The following TM9SF4 variants were observed in gnomAD, a reference collection of about 807,000 sequenced individuals.
TM9SF4 encodes the protein transmembrane 9 superfamily member 4, also known as dinucleotide oxidase disulfide thiol exchanger 3 superfamily member 4.
Under a neutral mutation model 90.4 loss-of-function variants are expected in TM9SF4, and 26 were observed. The ratio of observed to expected loss-of-function variants is 0.29; its 90% CI spans 0.21 to 0.40. The LOEUF (loss-of-function observed/expected upper bound fraction) is 0.40, where lower values mean the gene tolerates loss of function less well. TM9SF4 is among the 10% of genes least tolerant of loss of function. TM9SF4 has a pLI of 1.00. For synonymous variants in TM9SF4, 293 were observed against 315.4 expected (o/e 0.93, Z 0.75); for missense variants, 549 against 834.8 (o/e 0.66, Z 4.22).
In TM9SF4 at chr20:32,165,476, C is replaced by G. The variant is rs1184290510; in HGVS notation, c.*32C>G. The G allele has an allele frequency of 2.5e-6, 4 of 1,608,822 alleles. No individual in the cohort carries two copies. In the East Asian group the frequency reaches 6.7e-5, roughly 27 times the overall value. On this transcript the variant is annotated 3_prime_UTR_variant, in exon 18 of 18. Transcript: ENST00000398022. ...TGGACCACGGCCAAGCTTGCTCCGT[C>G]CTCGGACAGGAAGCCACCCTGCGTG...
intron 17 of TM9SF4, among the ~76,000 whole-genome samples, chr20:32,163,276 T>A (rs1244576420): frequency 3.1e-4 from 13 of 42,054 alleles, no homozygotes; most frequent in African/African-American, 1.1e-3. Flanking sequence ...AAAATATATA[T>A]ATATATATAT....
At chr20:32,153,628 C>G (rs1411049775) in intron 12 of TM9SF4, among the ~76,000 whole-genome samples, 1 of 152,156 alleles carries the variant, frequency 6.6e-6, no homozygotes, top group Non-Finnish European at 1.5e-5. Context: ...GCCTGTAGTC[C>G]TCCTAATCAG....
chr20:32,141,729 C>T (rs750176601), intron 4 of TM9SF4, 37 bp from the exon 5 acceptor site: 70 of 1,612,792 alleles, frequency 4.3e-5, no homozygotes, highest in African/African-American at 1.1e-4. Flanking sequence ...ACGGGAGAGG[C>T]GGTCGAGAGG....
chr20:32,142,589 G>A (rs928005521), intron 5 of TM9SF4, among the ~76,000 whole-genome samples: 1 of 152,120 alleles, frequency 6.6e-6, no homozygotes, highest in African/African-American at 2.4e-5. Context: ...TTACACTCAG[G>A]TTGTCACAGA....
In TM9SF4 at chr20:32,149,733, A is replaced by T; in HGVS notation, c.1054A>T (p.Ile352Phe). The T allele has an allele frequency of 6.2e-7, 1 of 1,614,146 alleles. No homozygotes were observed. The highest frequency in any genetic ancestry group is 8.5e-7 in the Non-Finnish European group (1 of 1,180,004). ...MILSSLLGSG[I>F]QLFCMILIVI... ...CCTCAGCTCCCTGCTGGGCTCAGGC[A>T]TTCAGCTGTTCTGTATGATCCTCAT... Residue 352 changes from isoleucine to phenylalanine, a missense_variant, in exon 10 of 18, where the codon ATT becomes TTT. By Grantham distance (21) the Ile-to-Phe change is conservative. This residue lies in a region of TM9SF4 where 495 missense variants were observed against 711.7 expected (regional missense o/e 0.70). Coordinates refer to ENST00000398022, the MANE Select transcript of TM9SF4 (RefSeq NM_014742.4).
chr20:32,162,186 G>T (rs2047027717), intron 17 of TM9SF4, among the ~76,000 whole-genome samples: 1 of 152,218 alleles, frequency 6.6e-6, no homozygotes, highest in Non-Finnish European at 1.5e-5. Context: ...GCTGTACTTT[G>T]GGTCTCCAGA....
chr20:32,148,100 G>C (rs1223866773), intron 9 of TM9SF4, among the ~76,000 whole-genome samples: 1 of 152,140 alleles, frequency 6.6e-6, no homozygotes, highest in Non-Finnish European at 1.5e-5. Flanking sequence ...AACAGAGCAA[G>C]ACTCCGTCTC....
chr20:32,162,086 C>T (rs2047026631), intron 17 of TM9SF4, among the ~76,000 whole-genome samples: 1 of 152,188 alleles, frequency 6.6e-6, no homozygotes, highest in African/African-American at 2.4e-5. Flanking sequence ...ATTCATGATA[C>T]ACAAACCAGA....
intron 6 of TM9SF4, among the ~76,000 whole-genome samples, chr20:32,144,016 G>A (rs751126155): frequency 7.9e-5 from 12 of 151,878 alleles, no homozygotes; most frequent in Non-Finnish European, 1.2e-4. Context: ...CGCGATCTCC[G>A]CTCACTGCAA....
Position 32,163,245 on chromosome 20 carries a change from CAAAA to C in TM9SF4, c.1779+1901_1779+1904del, listed in dbSNP as rs67827616. Among the ~76,000 whole-genome samples the C allele has an allele frequency of 8.1e-3, 329 of 40,730 alleles. 1 individual carries two copies. The highest frequency in any genetic ancestry group is 0.011 in the Admixed American group (31 of 2,752). The allele number at this position is 40,730 out of a possible 152,430, so 26.7% of individuals were successfully genotyped here. A position where few individuals can be genotyped will look rare whatever the true frequency, so the allele number is the denominator to read the frequency against. ...TGGGTGACAGAGCAAGACTCCATCT[CAAAA>C]AAAAAAAAAAAAAAAAAAAATATAT... On this transcript the variant is annotated intron_variant, in intron 17 of 17. Transcript: ENST00000398022.
rs527724717 is a variant in TM9SF4, at chr20:32,148,077, C to CT, written c.954+1223dup. ...AGTGAGCCGAGATCACACCACTGTA[C>CT]TACAGCCTGGGCAACAGAGCAAGAC... On this transcript the variant is annotated intron_variant, in intron 9 of 17. Transcript: ENST00000398022. 1.4e-3 allele frequency among the ~76,000 whole-genome samples: 218 copies of CT among 152,266 alleles called. 1 individual carries two copies. Among genetic ancestry groups the CT allele is most frequent in the Middle Eastern group, 0.014 (4 of 294 alleles).
chr20:32,110,212 A>G (rs1158521676), intron 1 of TM9SF4, among the ~76,000 whole-genome samples: 1 of 151,852 alleles, frequency 6.6e-6, no homozygotes, highest in African/African-American at 2.4e-5. Flanking sequence ...TCCCAGCCCA[A>G]GCGCTGCCTC....
intron 2 of TM9SF4, among the ~76,000 whole-genome samples, chr20:32,135,797 T>C (rs1361570186): frequency 6.6e-6 from 1 of 152,200 alleles, no homozygotes; most frequent in Admixed American, 6.5e-5. Context: ...TTAGGAAAGA[T>C]GCCCAAAAGT....
rs1205846955 is a variant in TM9SF4 at position 32,166,494 on chromosome 20, T to C, written c.*1050T>C. ...CATTCTCTCCCTGCCCTCTCTGGCCTCTGGGGTCATACTCACTTCTTTAGC... is the reference window on the plus strand; with the variant it reads ...CATTCTCTCCCTGCCCTCTCTGGCCCCTGGGGTCATACTCACTTCTTTAGC... On this transcript the variant is annotated 3_prime_UTR_variant, in exon 18 of 18. Coordinates refer to ENST00000398022, the MANE Select transcript of TM9SF4 (RefSeq NM_014742.4). 6.6e-6 allele frequency: 1 copy of C among 152,336 alleles called. No individual in the cohort carries two copies. The highest frequency in any genetic ancestry group is 1.5e-5 in the Non-Finnish European group (1 of 68,126). 9.4% of individuals were successfully genotyped at this position (152,336 alleles called of 1,614,324 possible).
intron 1 of TM9SF4, among the ~76,000 whole-genome samples, chr20:32,126,757 C>T (rs1367776922): frequency 3.4e-5 from 5 of 148,940 alleles, no homozygotes; most frequent in African/African-American, 7.4e-5. Flanking sequence ...TTTCCTGAGA[C>T]GAAGTCTCGC....
Position 32,141,823 on chromosome 20 carries a change from C to A in TM9SF4, c.456C>A (p.Ser152Arg). Residue 152 changes from serine (S) to arginine (R), a missense_variant, in exon 5 of 18, where the codon AGC (serine) becomes AGA (arginine). Coordinates refer to ENST00000398022, the MANE Select transcript of TM9SF4 (RefSeq NM_014742.4). ...TGGAGCTCTACTCCAACCGAGACAG[C>A]GATGACAAGAAGAAGGAAAAAGATG... The part of the protein sequence containing the change: ...TRLELYSNRD[S>R]DDKKKEKDVQ... 6.2e-7 allele frequency: 1 copy of A among 1,614,054 alleles called. No homozygotes were observed. Among genetic ancestry groups the A allele is most frequent in the South Asian group, 1.1e-5 (1 of 91,064 alleles).
At chr20:32,121,711 T>C (rs2046310905) in intron 1 of TM9SF4, among the ~76,000 whole-genome samples, 1 of 152,134 alleles carries the variant, frequency 6.6e-6, no homozygotes, top group Admixed American at 6.5e-5. Flanking sequence ...CTCAATGAGC[T>C]GTTGGGCACA....
chr20:32,114,277 C>T (rs987798896), intron 1 of TM9SF4, among the ~76,000 whole-genome samples: 8 of 152,250 alleles, frequency 5.3e-5, no homozygotes, highest in South Asian at 2.1e-4. Flanking sequence ...GCTAATGGAG[C>T]CAATGCCAGT....
At chr20:32,159,277 T>C (rs6061196) in intron 15 of TM9SF4, 40,254 of 152,292 alleles carry the variant, frequency 0.26, 6,952 homozygotes, top group African/African-American at 0.49. Flanking sequence ...GTAATGGTGA[T>C]GATGACTCCT....
Sources: allele counts gnomAD v4.1 joint callset (sites outside exome capture counted in the v4.1 genomes callset), GRCh38; gene constraint gnomAD v4.1.1; regional missense constraint gnomAD v4.1.1; transcripts MANE v1.5; gene names NCBI Gene and HGNC (gene_info 2026-07-23, HGNC 2026-07-21).